SASH1: variants seen among roughly 807,000 people sequenced by gnomAD.
SASH1 encodes the protein SAM and SH3 domain-containing protein 1.
SASH1 carries 44 observed loss-of-function variants against 125.2 expected under a neutral mutation model. The observed-to-expected ratio is 0.35, with a 90% CI of 0.28 to 0.45. SASH1 has a LOEUF of 0.45. Ranked by LOEUF, SASH1 falls within the 20% of genes least tolerant of loss-of-function variation. The probability of loss-of-function intolerance (pLI) is 1.00; values close to 1 mark genes in which losing one functional copy is unlikely to be tolerated. For missense variants in SASH1, 1,426 were observed against 1,614.5 expected, an observed-to-expected ratio of 0.88 and a Z score of 2.00; for synonymous variants, 639 against 649.1, an observed-to-expected ratio of 0.98 and a Z score of 0.24.
At chr6:148,501,033 G>T (rs372810603) in intron 8 of SASH1, among the ~76,000 whole-genome samples, 2 of 152,028 alleles carry the variant, frequency 1.3e-5, no homozygotes, top group Non-Finnish European at 2.9e-5. Context: ...GGAGATTAAC[G>T]TTAAGGTTGT....
At chr6:148,440,118 CTATT>C in intron 2 of SASH1, 62 bp from the exon 3 acceptor site, 1 of 1,467,832 alleles carries the variant, frequency 6.8e-7, no homozygotes, top group Non-Finnish European at 9.6e-7. Context: ...TCTTACATGT[CTATT>C]TGTCTTTCTC....
chr6:148,373,538 C>T (rs1562360486), intron 1 of SASH1, among the ~76,000 whole-genome samples: 1 of 152,042 alleles, frequency 6.6e-6, no homozygotes, highest in African/African-American at 2.4e-5. Flanking sequence ...GAAACAGGAG[C>T]CCGAGTAAGG....
chr6:148,302,311 CA>C (rs1174644909), intron 1 of SASH1, among the ~76,000 whole-genome samples: 1,996 of 44,752 alleles, frequency 0.045, 139 homozygotes, highest in Non-Finnish European at 0.053. Context: ...GACTCCGTCT[CA>C]AAAAAAAAAA....
intron 1 of SASH1, among the ~76,000 whole-genome samples, chr6:148,290,318 C>T (rs1248172306): frequency 2.6e-5 from 4 of 151,410 alleles, no homozygotes; most frequent in African/African-American, 4.9e-5. Flanking sequence ...TTAATGAAAA[C>T]GTTCTTGGCC....
rs966471025 is a variant in SASH1, at chr6:148,549,424, C to T, written c.*866C>T. 6 of 392,510 alleles carry T rather than the reference C, an allele frequency of 1.5e-5. No individual in the cohort carries two copies. Among genetic ancestry groups the T allele is most frequent in the Non-Finnish European group, 2.7e-5 (6 of 222,476 alleles). 24.3% of individuals were successfully genotyped at this position (392,510 alleles called of 1,614,324 possible). A position where few individuals can be genotyped will look rare whatever the true frequency, so the allele number is the denominator to read the frequency against. Reference sequence around the variant, plus strand: ...TCATGTGTGTGCGTGCGTGCGTGCGCGTGTGTGTCTGTATTCATAGTGACT... The same window carrying T: ...TCATGTGTGTGCGTGCGTGCGTGCGTGTGTGTGTCTGTATTCATAGTGACT... On this transcript the variant is annotated 3_prime_UTR_variant, in exon 20 of 20. Coordinates refer to ENST00000367467, the MANE Select transcript of SASH1 (RefSeq NM_015278.5).
At chr6:148,387,509 CTT>C (rs1442045259) in intron 1 of SASH1, among the ~76,000 whole-genome samples, 1 of 142,794 alleles carries the variant, frequency 7.0e-6, no homozygotes, top group African/African-American at 2.7e-5. Context: ...CTCTCTCTTT[CTT>C]TTTCCTTCTT....
At chr6:148,222,258 C>T in the SASH1 span, among the ~76,000 whole-genome samples, 1 of 152,110 alleles carries the variant, frequency 6.6e-6, no homozygotes, top group East Asian at 1.9e-4. Flanking sequence ...AGACACAATC[C>T]CTATCTATGT....
chr6:148,366,700 C>T (rs1421356783), intron 1 of SASH1, among the ~76,000 whole-genome samples: 3 of 151,846 alleles, frequency 2.0e-5, no homozygotes, highest in South Asian at 2.1e-4. Flanking sequence ...CAGGTTCAAG[C>T]GATTCTCCTG....
At chr6:148,406,416 T>C (rs1442792819) in intron 2 of SASH1, among the ~76,000 whole-genome samples, 23 of 152,168 alleles carry the variant, frequency 1.5e-4, no homozygotes. Context: ...TTATGTGAAA[T>C]AGTGTTACAG....
the SASH1 span, among the ~76,000 whole-genome samples, chr6:148,218,727 T>C: frequency 6.6e-6 from 1 of 152,176 alleles, no homozygotes; most frequent in Admixed American, 6.5e-5. Context: ...CTGGACTTTG[T>C]AGGTCACGCA....
chr6:148,298,756 A>AAATGAGAG, intron 1 of SASH1, among the ~76,000 whole-genome samples: 1 of 122,342 alleles, frequency 8.2e-6, no homozygotes, highest in South Asian at 2.9e-4. Context: ...AGGAAGGAAG[A>AAATGAGAG]AAAGAGAGAA....
intron 1 of SASH1, among the ~76,000 whole-genome samples, chr6:148,383,027 A>G (rs1225744919): frequency 1.3e-5 from 2 of 152,268 alleles, no homozygotes; most frequent in Non-Finnish European, 2.9e-5. Flanking sequence ...TCAGAAAAGT[A>G]TTTGAGATTA....
rs543848957 is a variant in SASH1 at position 148,313,311 on chromosome 6, T to C, written n.74+40934T>C. 3.0e-4 allele frequency among the ~76,000 whole-genome samples: 46 copies of C among 152,298 alleles called. No homozygotes were observed. The South Asian group carries it at 9.5e-3, about 32-fold the overall frequency. On this transcript the variant is annotated intron_variant and non_coding_transcript_variant, in intron 1 of 3. Coordinates refer to the SASH1 transcript ENST00000367469. ...GAAAATTCATTAAGTGCAAATCCTCTTGGCTGCACTTTTCCTTCATGTTTA... is the reference window on the plus strand; with the variant it reads ...GAAAATTCATTAAGTGCAAATCCTCCTGGCTGCACTTTTCCTTCATGTTTA...
the SASH1 span, among the ~76,000 whole-genome samples, chr6:148,207,901 A>G: frequency 6.6e-6 from 1 of 152,188 alleles, no homozygotes; most frequent in African/African-American, 2.4e-5. Flanking sequence ...AAGTCTGTGA[A>G]TCTGATGGTA....
At chr6:148,547,075 C>G (rs1782617728) in intron 19 of SASH1, among the ~76,000 whole-genome samples, 1 of 152,002 alleles carries the variant, frequency 6.6e-6, no homozygotes, top group Admixed American at 6.6e-5. Context: ...TCTTAGGAAC[C>G]TCAGCATACA....
At chr6:148,248,492 T>C in the SASH1 span, among the ~76,000 whole-genome samples, 1 of 152,216 alleles carries the variant, frequency 6.6e-6, no homozygotes, top group Non-Finnish European at 1.5e-5. Flanking sequence ...GTCCTCAAAA[T>C]CTACCCTCTA....
At chr6:148,440,682 G>A (rs187726517) in intron 4 of SASH1, 8 of 442,796 alleles carry the variant, frequency 1.8e-5, no homozygotes, top group Admixed American at 4.0e-5. Flanking sequence ...GAAAGGGAAA[G>A]GATAGGTGCA....
At chr6:148,194,830 T>C in the SASH1 span, among the ~76,000 whole-genome samples, 150 of 152,180 alleles carry the variant, frequency 9.9e-4, 1 homozygote, top group East Asian at 6.6e-3. Flanking sequence ...GGCGTGAACC[T>C]AGGAGGCGGA....
chr6:148,356,068 C>G (rs1456456805), intron 1 of SASH1, among the ~76,000 whole-genome samples: 1 of 86,256 alleles, frequency 1.2e-5, no homozygotes, highest in South Asian at 4.7e-4. Flanking sequence ...TTGTATCATT[C>G]TGTTTTTTTT....
Sources: allele counts gnomAD v4.1 joint callset (sites outside exome capture counted in the v4.1 genomes callset), GRCh38; gene constraint gnomAD v4.1.1; transcripts MANE v1.5; gene names NCBI Gene and HGNC (gene_info 2026-07-23, HGNC 2026-07-21).